The following FNBP1 variants were observed in gnomAD, a reference collection of about 807,000 sequenced individuals.
FNBP1 encodes formin-binding protein 1.
Under a neutral mutation model 90.6 loss-of-function variants are expected in FNBP1, and 26 were observed. That is an observed-to-expected ratio of 0.29 (90% confidence interval 0.21 to 0.40). The LOEUF is 0.40. FNBP1 is among the 10% of genes least tolerant of loss of function. The pLI is 1.00. For synonymous variants in FNBP1, 260 were observed against 265.2 expected (o/e 0.98, Z 0.19); for missense variants, 635 against 768.0 (o/e 0.83, Z 2.05).
intron 2 of FNBP1, among the ~76,000 whole-genome samples, chr9:129,989,895 G>A (rs535117486): frequency 6.6e-6 from 1 of 152,112 alleles, no homozygotes; most frequent in East Asian, 1.9e-4. Context: ...AAAATTAGCC[G>A]GGTGTGGCAG....
intron 1 of FNBP1, among the ~76,000 whole-genome samples, chr9:130,016,045 T>G (rs1408013209): frequency 1.3e-5 from 2 of 152,256 alleles, no homozygotes; most frequent in Non-Finnish European, 1.5e-5. Flanking sequence ...ATTCATCTAT[T>G]AGAAATTTTG....
Position 129,900,189 on chromosome 9 carries a change from C to A in FNBP1, c.1551-88G>T. 1 of 1,396,390 alleles carries A rather than the reference C, an allele frequency of 7.2e-7. No individual in the cohort carries two copies. Among genetic ancestry groups the A allele is most frequent in the South Asian group, 1.5e-5 (1 of 66,288 alleles). The allele number at this position is 1,396,390 out of a possible 1,614,324, so 86.5% of individuals were successfully genotyped here. A position where few individuals can be genotyped will look rare whatever the true frequency, so the allele number is the denominator to read the frequency against. ...AGTCCCTGCGACTGGAGAGCACTTG[C>A]AACCCCGCCCCTCAGCGAGTGCTGT... On this transcript the variant is annotated intron_variant, in intron 14 of 16. Transcript: ENST00000446176. This position sits in a 1 kb window ranked among gnomAD's most constrained non-coding sequence, Gnocchi z 4.1.
chr9:129,923,548 C>T (rs1195493917), intron 10 of FNBP1, among the ~76,000 whole-genome samples: 1 of 150,428 alleles, frequency 6.6e-6, no homozygotes, highest in Non-Finnish European at 1.5e-5. Flanking sequence ...CACTGCACTC[C>T]AGCCTGGTGA....
At chr9:129,897,774 G>A (rs1225116357) in intron 15 of FNBP1, among the ~76,000 whole-genome samples, 3 of 151,338 alleles carry the variant, frequency 2.0e-5, no homozygotes, top group African/African-American at 4.9e-5. Flanking sequence ...CCTTATTAAC[G>A]CTCTGCAGGA....
intron 1 of FNBP1, among the ~76,000 whole-genome samples, chr9:130,028,536 GTTCTAC>G (rs2058549005): frequency 6.6e-6 from 1 of 151,822 alleles, no homozygotes; most frequent in African/African-American, 2.4e-5. Flanking sequence ...TGGTACATTA[GTTCTAC>G]TTCTAAGCCT....
At chr9:130,011,980 G>T (rs10733707) in intron 1 of FNBP1, among the ~76,000 whole-genome samples, 150,825 of 152,308 alleles carry the variant, frequency 0.99, 74,700 homozygotes, top group Non-Finnish European at 1. Context: ...GGTAGGAATA[G>T]TAGCCACACC....
chr9:130,005,500 C>A (rs1242342182), intron 1 of FNBP1, among the ~76,000 whole-genome samples: 1 of 151,828 alleles, frequency 6.6e-6, no homozygotes, highest in Non-Finnish European at 1.5e-5. Context: ...CGCCACCACA[C>A]CCGGCTAATT....
intron 1 of FNBP1, among the ~76,000 whole-genome samples, chr9:130,019,052 C>T (rs960594964): frequency 6.6e-6 from 1 of 152,082 alleles, no homozygotes; most frequent in Non-Finnish European, 1.5e-5. Context: ...TGGTGAAACC[C>T]TGTCTCTACC....
intron 1 of FNBP1, among the ~76,000 whole-genome samples, chr9:130,030,618 A>AC (rs1335250048): frequency 4.6e-5 from 7 of 152,060 alleles, no homozygotes; most frequent in Admixed American, 4.6e-4. Context: ...CAGCCATTAC[A>AC]CTCATCCAAT....
chr9:129,899,843 G>T, intron 15 of FNBP1, 122 bp downstream of exon 15: 1 of 851,176 alleles, frequency 1.2e-6, no homozygotes, highest in Non-Finnish European at 1.7e-6. Flanking sequence ...TAGGAAGGAA[G>T]GAAGGAAGGA....
At chr9:130,011,269 A>ATAATATAT (rs1322193913) in intron 1 of FNBP1, among the ~76,000 whole-genome samples, 1 of 34,828 alleles carries the variant, frequency 2.9e-5, no homozygotes, top group Non-Finnish European at 4.9e-5. Context: ...TATATATATA[A>ATAATATAT]AATATATATA....
intron 12 of FNBP1, 32 bp downstream of exon 12, chr9:129,908,858 A>G: frequency 6.8e-7 from 1 of 1,478,744 alleles, no homozygotes; most frequent in Non-Finnish European, 9.4e-7. Context: ...CTGGCCTTGA[A>G]TTTCTTAATA....
chr9:129,967,908 T>C (rs1318943342), intron 4 of FNBP1, among the ~76,000 whole-genome samples: 1 of 152,142 alleles, frequency 6.6e-6, no homozygotes, highest in Non-Finnish European at 1.5e-5. Context: ...GATCTCACTA[T>C]GTTGTCCAGG....
chr9:130,025,901 G>C (rs1476067733), intron 1 of FNBP1, among the ~76,000 whole-genome samples: 2 of 152,140 alleles, frequency 1.3e-5, no homozygotes, highest in African/African-American at 4.8e-5. Context: ...TCCAGCCTGG[G>C]TGACAGAGAC....
rs138681193 is a variant in FNBP1, at chr9:129,911,040, A to G, written c.1186-2041T>C. ...ACAATATTTATTTGAAAACTGGATT[A>G]TTCTGGATTATGGATTTCACCACGT... On this transcript the variant is annotated intron_variant, in intron 11 of 16. Coordinates refer to ENST00000446176, the MANE Select transcript of FNBP1 (RefSeq NM_015033.3). 2.4e-3 allele frequency among the ~76,000 whole-genome samples: 363 copies of G among 152,308 alleles called. 1 individual carries two copies. The highest frequency in any genetic ancestry group is 3.5e-3 in the Non-Finnish European group (239 of 68,022).
At chr9:130,033,967 G>C (rs1189433695) in intron 1 of FNBP1, among the ~76,000 whole-genome samples, 2 of 149,126 alleles carry the variant, frequency 1.3e-5, no homozygotes, top group Admixed American at 1.3e-4. Context: ...AGTGAGCAGA[G>C]ATTGCGCCAC....
chr9:130,040,503 C>A (rs537943805), intron 1 of FNBP1, among the ~76,000 whole-genome samples: 7 of 152,110 alleles, frequency 4.6e-5, no homozygotes, highest in Non-Finnish European at 8.8e-5. Flanking sequence ...CGCGTGTAGT[C>A]CCAGCTACTT....
rs370647443 is a variant in FNBP1, at chr9:129,957,454, C to A, written c.419G>T (p.Arg140Leu). 6.2e-7 allele frequency: 1 copy of A among 1,612,592 alleles called. No individual in the cohort carries two copies. Among genetic ancestry groups the A allele is most frequent in the East Asian group, 2.2e-5 (1 of 44,884 alleles). ...CWKQLESSKR[R>L]FERDCKEADR... ...CGCCTCTTTGCAATCGCGTTCAAAT[C>A]GCCTTTTACTCTAAAATCAGAGGAA... The change falls in exon 6 of 17, where the codon CGA (arginine) becomes CTA (leucine). Residue 140 changes from arginine to leucine, a missense_variant. Coordinates refer to ENST00000446176, the MANE Select transcript of FNBP1 (RefSeq NM_015033.3). The surrounding 1 kb of genome is among the most constrained non-coding windows in gnomAD (Gnocchi z 4.3).
chr9:130,002,292 G>A (rs1250462830), intron 1 of FNBP1, among the ~76,000 whole-genome samples: 1 of 152,048 alleles, frequency 6.6e-6, no homozygotes, highest in Non-Finnish European at 1.5e-5. Context: ...TATTTTATAG[G>A]TGCATACTGT....
Sources: gnomAD v4.1 joint callset for allele counts (sites outside exome capture counted in the v4.1 genomes callset) on GRCh38, gnomAD v4.1.1 for gene constraint, Gnocchi (gnomAD v3.1) non-coding constraint, MANE v1.5 for transcripts, NCBI Gene and HGNC (gene_info 2026-07-23, HGNC 2026-07-21) for gene names.